The following SPTLC1 variants were observed in gnomAD, a reference collection of about 807,000 sequenced individuals.
SPTLC1 encodes serine palmitoyltransferase 1.
A neutral mutation model predicts 68.9 loss-of-function variants in SPTLC1; 55 were observed. The observed-to-expected ratio is 0.80, with a 90% CI of 0.64 to 1.00. SPTLC1 has a LOEUF of 1.00. Among genes scored for constraint, SPTLC1 ranks in the 50% least tolerant of loss-of-function variants. The pLI is 0.00. For missense variants in SPTLC1, 449 were observed against 573.1 expected, an observed-to-expected ratio of 0.78 and a Z score of 2.21; for synonymous variants, 197 against 201.6, an observed-to-expected ratio of 0.98 and a Z score of 0.19.
intron 13 of SPTLC1, among the ~76,000 whole-genome samples, chr9:92,036,148 T>TC (rs1243724065): frequency 6.6e-6 from 1 of 152,214 alleles, no homozygotes; most frequent in African/African-American, 2.4e-5. Flanking sequence ...ATGTATTTTT[T>TC]CTATCAATGA....
chr9:92,112,691 C>T, intron 1 of SPTLC1, 129 bp from the exon 2 acceptor site: 1 of 644,706 alleles, frequency 1.6e-6, no homozygotes, highest in Non-Finnish European at 2.7e-6. Flanking sequence ...ACTTTCGAAG[C>T]TCCCTTAATT....
At chr9:92,086,749 T>C (rs1332397032) in intron 3 of SPTLC1, among the ~76,000 whole-genome samples, 1 of 152,166 alleles carries the variant, frequency 6.6e-6, no homozygotes, top group Non-Finnish European at 1.5e-5. Context: ...AGGAGTATCT[T>C]TGTGGTGTTC....
At chr9:92,109,022 C>T in intron 2 of SPTLC1, 188 bp from the exon 3 acceptor site, 1 of 784,442 alleles carries the variant, frequency 1.3e-6, no homozygotes, top group Non-Finnish European at 1.9e-6. Context: ...AATGACCCAC[C>T]AGACACATGC....
At chr9:92,061,388 C>A (rs879932105) in intron 6 of SPTLC1, among the ~76,000 whole-genome samples, 4 of 152,142 alleles carry the variant, frequency 2.6e-5, no homozygotes, top group African/African-American at 9.7e-5. Context: ...AACCCAGAAT[C>A]CTATAACCAG....
At chr9:92,102,488 T>A (rs780291971) in intron 3 of SPTLC1, among the ~76,000 whole-genome samples, 1 of 152,114 alleles carries the variant, frequency 6.6e-6, no homozygotes, top group Non-Finnish European at 1.5e-5. Context: ...AAACACCCAA[T>A]ACAGAACAAT....
intron 3 of SPTLC1, chr9:92,105,355 G>A: frequency 6.6e-7 from 1 of 1,519,354 alleles, no homozygotes; most frequent in Non-Finnish European, 8.8e-7. Context: ...AGAACATGAG[G>A]TTGTTAAGTA....
intron 3 of SPTLC1, among the ~76,000 whole-genome samples, chr9:92,090,146 A>G (rs1417926915): frequency 1.3e-5 from 2 of 152,248 alleles, no homozygotes; most frequent in Non-Finnish European, 2.9e-5. Context: ...ACTGGCAATA[A>G]GAAAGTGGTA....
At chr9:92,086,930 CTTTG>C (rs1304250691) in intron 3 of SPTLC1, among the ~76,000 whole-genome samples, 17 of 152,196 alleles carry the variant, frequency 1.1e-4, no homozygotes, top group South Asian at 2.1e-4. Flanking sequence ...TTCTTGGAGG[CTTTG>C]TTTGTTTCTT....
chr9:92,080,133 G>A (rs775120718), intron 4 of SPTLC1, 45 bp from the exon 5 acceptor site: 92 of 1,510,884 alleles, frequency 6.1e-5, no homozygotes, highest in Non-Finnish European at 7.5e-5. Context: ...TTATCTTTAA[G>A]AGTTCAAAAC....
intron 8 of SPTLC1, among the ~76,000 whole-genome samples, chr9:92,054,814 G>A (rs912314695): frequency 5.9e-5 from 9 of 152,272 alleles, no homozygotes; most frequent in African/African-American, 2.2e-4. Context: ...TCGGGAGGCT[G>A]AGGCAGGAGA....
intron 9 of SPTLC1, among the ~76,000 whole-genome samples, chr9:92,048,145 G>C (rs145541036): frequency 3.2e-4 from 49 of 152,270 alleles, no homozygotes; most frequent in African/African-American, 1.2e-3. Flanking sequence ...TATTCAGTTT[G>C]CCTCTCAGCA....
chr9:92,074,793 T>C (rs1834622493), intron 5 of SPTLC1, among the ~76,000 whole-genome samples: 1 of 148,542 alleles, frequency 6.7e-6, no homozygotes, highest in South Asian at 2.1e-4. Flanking sequence ...ATTCATCCTG[T>C]CATGCCTAAC....
At chr9:92,055,340 TA>T (rs1833850103) in intron 8 of SPTLC1, 64 bp downstream of exon 8, 1 of 1,607,620 alleles carries the variant, frequency 6.2e-7, no homozygotes, top group Non-Finnish European at 8.5e-7. Context: ...AAAGCGGTCA[TA>T]AACAAAAGGC....
At chr9:92,034,724 T>C in intron 14 of SPTLC1, 86 bp downstream of exon 14, 1 of 1,045,906 alleles carries the variant, frequency 9.6e-7, no homozygotes, top group Non-Finnish European at 1.5e-6. Flanking sequence ...CCTATGATAG[T>C]CTTTCAAAAT....
chr9:92,096,043 G>T (rs747974959), intron 3 of SPTLC1, among the ~76,000 whole-genome samples: 1 of 152,186 alleles, frequency 6.6e-6, no homozygotes, highest in Non-Finnish European at 1.5e-5. Flanking sequence ...CCGTTCTGAA[G>T]ACAAAAATTA....
Position 92,031,818 on chromosome 9 carries a change from T to C in SPTLC1, c.*647A>G, listed in dbSNP as rs1477383377. 6.5e-6 allele frequency: 1 copy of C among 154,186 alleles called. No individual in the cohort carries two copies. Among genetic ancestry groups the C allele is most frequent in the East Asian group, 1.9e-4 (1 of 5,236 alleles). The allele number at this position is 154,186 out of a possible 1,614,324, so 9.6% of individuals were successfully genotyped here. On this transcript the variant is annotated 3_prime_UTR_variant, in exon 15 of 15. Transcript: ENST00000262554. Reference sequence around the variant, plus strand: ...CTCACTTAGGAAGTATAATGAATATTCTCTGGCTAAGGATGCTCAGATTAG... The same window carrying C: ...CTCACTTAGGAAGTATAATGAATATCCTCTGGCTAAGGATGCTCAGATTAG...
intron 3 of SPTLC1, chr9:92,105,301 G>A (rs1235214913): frequency 2.0e-6 from 3 of 1,534,084 alleles, no homozygotes; most frequent in Non-Finnish European, 1.7e-6. Flanking sequence ...TGGTGGGTCA[G>A]GCTTCCCAAA....
intron 5 of SPTLC1, among the ~76,000 whole-genome samples, chr9:92,071,915 A>G (rs1834506913): frequency 6.6e-6 from 1 of 152,162 alleles, no homozygotes; most frequent in Non-Finnish European, 1.5e-5. Flanking sequence ...ACCTTGTGAT[A>G]ATGTACCTTG....
intron 3 of SPTLC1, among the ~76,000 whole-genome samples, chr9:92,087,205 A>G (rs1420873062): frequency 6.6e-6 from 1 of 152,154 alleles, no homozygotes; most frequent in African/African-American, 2.4e-5. Context: ...CCTGTAGCTC[A>G]GAGTAGTTTG....
Sources: allele counts gnomAD v4.1 joint callset (sites outside exome capture counted in the v4.1 genomes callset), GRCh38; gene constraint gnomAD v4.1.1; transcripts MANE v1.5; gene names NCBI Gene and HGNC (gene_info 2026-07-23, HGNC 2026-07-21).